IMMP2L: variants seen among roughly 807,000 people sequenced by gnomAD.
The protein encoded by IMMP2L is mitochondrial inner membrane protease subunit 2.
IMMP2L carries 18 observed loss-of-function variants against 19.3 expected under a neutral mutation model. The ratio of observed to expected loss-of-function variants is 0.93; its 90% CI spans 0.64 to 1.38. IMMP2L has a LOEUF of 1.38. Among genes scored for constraint, IMMP2L ranks in the 40% most tolerant of loss-of-function variants. The pLI, the probability that IMMP2L is intolerant of heterozygous loss-of-function variation, is 0.00. For synonymous variants in IMMP2L, 76 were observed against 73.0 expected (o/e 1.04, Z -0.21); for missense variants, 233 against 218.2 (o/e 1.07, Z -0.43).
intron 3 of IMMP2L, among the ~76,000 whole-genome samples, chr7:110,980,318 C>T (rs1313101933): frequency 1.3e-5 from 2 of 150,584 alleles, no homozygotes; most frequent in East Asian, 3.9e-4. Flanking sequence ...AGCTCCGCCT[C>T]CCGGGTTCAC....
chr7:111,481,332 T>C (rs980237249), intron 3 of IMMP2L, among the ~76,000 whole-genome samples: 13 of 152,126 alleles, frequency 8.5e-5, no homozygotes, highest in African/African-American at 3.1e-4. Context: ...CCACATTATA[T>C]GGAGACATTA....
At position 110,795,791 on chromosome 7, in the gene IMMP2L, A is replaced by G. The variant is rs1584857119; in HGVS notation, c.408+90802T>C. Among the ~76,000 whole-genome samples, 3 of 152,022 alleles carry G rather than the reference A, an allele frequency of 2.0e-5. No individual in the cohort carries two copies. The South Asian group carries it at 6.2e-4, about 32-fold the overall frequency. On this transcript the variant is annotated intron_variant, in intron 5 of 5. Coordinates refer to ENST00000405709, the MANE Select transcript of IMMP2L (RefSeq NM_032549.4). ...AATCAACATTTAGAAACCAGCTACTAAATCCCAGGCTCTGGGATACAGAGA... is the reference window on the plus strand; with the variant it reads ...AATCAACATTTAGAAACCAGCTACTGAATCCCAGGCTCTGGGATACAGAGA...
rs1469159963 is a variant in IMMP2L at position 110,803,636 on chromosome 7, G to A, written c.408+82957C>T. On this transcript the variant is annotated intron_variant, in intron 5 of 5. Coordinates refer to ENST00000405709, the MANE Select transcript of IMMP2L (RefSeq NM_032549.4). This position sits in a 1 kb window ranked among gnomAD's most constrained non-coding sequence, Gnocchi z 4.2. ...CTCTGCTGTGGTTAGTCATTGGATG[G>A]GGGGAGCTCCAGAAATGGGAGTGAC... is the stretch of plus-strand genomic sequence containing the variant. Among the ~76,000 whole-genome samples, 1 of 151,978 alleles carries A rather than the reference G, an allele frequency of 6.6e-6. No individual in the cohort carries two copies. The highest frequency in any genetic ancestry group is 6.6e-5 in the Admixed American group (1 of 15,246).
chr7:110,751,607 G>A (rs1797724244), intron 5 of IMMP2L, among the ~76,000 whole-genome samples: 1 of 152,016 alleles, frequency 6.6e-6, no homozygotes. Context: ...ATAATAAATT[G>A]TAATAAGGTA....
At chr7:110,884,166 A>G (rs577790763) in intron 5 of IMMP2L, among the ~76,000 whole-genome samples, 6 of 152,132 alleles carry the variant, frequency 3.9e-5, no homozygotes, top group Non-Finnish European at 8.8e-5. Context: ...CAAGCAGAAA[A>G]TTTGTCACTA....
At chr7:111,154,716 TA>T (rs899527061) in intron 3 of IMMP2L, among the ~76,000 whole-genome samples, 3 of 152,150 alleles carry the variant, frequency 2.0e-5, no homozygotes, top group African/African-American at 7.2e-5. Context: ...GGCTGCGATC[TA>T]AAAATCATTG....
chr7:110,830,821 T>C (rs574080736), intron 5 of IMMP2L, among the ~76,000 whole-genome samples: 1 of 152,302 alleles, frequency 6.6e-6, no homozygotes, highest in South Asian at 2.1e-4. Flanking sequence ...GACACTCAGA[T>C]ACTCCAAGGC....
In IMMP2L at chr7:110,814,549, G is replaced by A. The variant is rs561684532; in HGVS notation, c.408+72044C>T. 2.7e-4 allele frequency among the ~76,000 whole-genome samples: 41 copies of A among 150,596 alleles called. No individual in the cohort carries two copies. The South Asian group carries it at 6.3e-3, about 23-fold the overall frequency. On this transcript the variant is annotated intron_variant, in intron 5 of 5. Coordinates refer to ENST00000405709, the MANE Select transcript of IMMP2L (RefSeq NM_032549.4). The stretch of plus-strand genomic sequence containing the variant: ...AAATCACAAACCAATAAACTGTTTT[G>A]GCTGTTAAGTATATGCTTCATATTT...
At chr7:111,324,088 A>G (rs547089242) in intron 3 of IMMP2L, among the ~76,000 whole-genome samples, 2 of 152,200 alleles carry the variant, frequency 1.3e-5, no homozygotes, top group South Asian at 4.1e-4. Flanking sequence ...ACATGTATAC[A>G]TATGTAATTA....
intron 4 of IMMP2L, among the ~76,000 whole-genome samples, chr7:110,920,424 G>A (rs1202412960): frequency 6.6e-6 from 1 of 152,118 alleles, no homozygotes; most frequent in Non-Finnish European, 1.5e-5. Flanking sequence ...GGGGAATTAG[G>A]GAACATTTCA....
chr7:110,697,037 G>A (rs1367052615), intron 5 of IMMP2L, among the ~76,000 whole-genome samples: 1 of 152,144 alleles, frequency 6.6e-6, no homozygotes, highest in Admixed American at 6.6e-5. Flanking sequence ...CAGATGGTCT[G>A]TGAGCACTTG....
At position 111,081,354 on chromosome 7, in the gene IMMP2L, C is replaced by A. The variant is rs1173833918; in HGVS notation, c.240-117789G>T. On this transcript the variant is annotated intron_variant, in intron 3 of 5. Transcript: ENST00000405709. ...TTCTGACAATGCTGTGTTAGTGTTT[C>A]ACATTTATAATTTTTTAGTATTAAT... Among the ~76,000 whole-genome samples the A allele has an allele frequency of 3.3e-5, 5 of 152,294 alleles. No individual in the cohort carries two copies. The East Asian group carries it at 9.6e-4, about 29-fold the overall frequency.
chr7:111,545,448 C>T (rs1263816225), intron 1 of IMMP2L, among the ~76,000 whole-genome samples: 7 of 152,078 alleles, frequency 4.6e-5, no homozygotes, highest in Admixed American at 3.3e-4. Flanking sequence ...TGGAGTGCAG[C>T]GGCGCAATCT....
chr7:110,886,139 G>T (rs1210767156), intron 5 of IMMP2L, among the ~76,000 whole-genome samples: 3 of 151,898 alleles, frequency 2.0e-5, no homozygotes, highest in Non-Finnish European at 2.9e-5. Context: ...ACCCTAAGAG[G>T]GTAGAGGTAA....
At chr7:111,150,662 C>T (rs540785499) in intron 3 of IMMP2L, among the ~76,000 whole-genome samples, 17 of 152,258 alleles carry the variant, frequency 1.1e-4, no homozygotes, top group African/African-American at 3.1e-4. Flanking sequence ...TAGAATTTTA[C>T]GCTCTCGAAG....
At chr7:111,545,942 A>G (rs1195009605) in intron 1 of IMMP2L, among the ~76,000 whole-genome samples, 2 of 152,142 alleles carry the variant, frequency 1.3e-5, no homozygotes, top group Non-Finnish European at 2.9e-5. Context: ...TTCTATGCCT[A>G]TATAAGAAAA....
At chr7:111,285,191 G>T (rs868150747) in intron 3 of IMMP2L, among the ~76,000 whole-genome samples, 1 of 152,076 alleles carries the variant, frequency 6.6e-6, no homozygotes, top group African/African-American at 2.4e-5. Context: ...GGAACACAAG[G>T]CAGGAAAGGC....
At chr7:111,545,954 A>T (rs1221201142) in intron 1 of IMMP2L, among the ~76,000 whole-genome samples, 1 of 152,150 alleles carries the variant, frequency 6.6e-6, no homozygotes, top group African/African-American at 2.4e-5. Context: ...ATAAGAAAAT[A>T]CATTTCTTAA....
intron 3 of IMMP2L, among the ~76,000 whole-genome samples, chr7:111,268,194 A>G (rs1436018313): frequency 2.0e-5 from 3 of 152,190 alleles, no homozygotes; most frequent in Non-Finnish European, 4.4e-5. Flanking sequence ...TATTCCCCCC[A>G]AGACATTCTC....
Sources: allele counts gnomAD v4.1 joint callset (sites outside exome capture counted in the v4.1 genomes callset), GRCh38; gene constraint gnomAD v4.1.1; non-coding constraint Gnocchi (gnomAD v3.1); transcripts MANE v1.5; gene names NCBI Gene and HGNC (gene_info 2026-07-23, HGNC 2026-07-21).